The following SARDH variants were observed in gnomAD, a reference collection of about 807,000 sequenced individuals.
The protein encoded by SARDH is sarcosine dehydrogenase, also known as sarcosine dehydrogenase, mitochondrial.
In SARDH, 95 loss-of-function variants were observed where a neutral mutation model predicts 109.1. The ratio of observed to expected loss-of-function variants is 0.87; its 90% confidence interval spans 0.74 to 1.03. The LOEUF (loss-of-function observed/expected upper bound fraction) is 1.03, where lower values mean the gene tolerates loss of function less well. SARDH is among the 50% of genes least tolerant of loss of function. The pLI, the probability that SARDH is intolerant of heterozygous loss-of-function variation, is 0.00. For missense variants in SARDH, 1,267 were observed against 1,287.8 expected (o/e 0.98, Z 0.25); for synonymous variants, 572 against 534.8 (o/e 1.07, Z -0.96).
chr9:133,685,327 C>G (rs769037548), intron 16 of SARDH, 41 bp from the exon 17 acceptor site: 10 of 1,574,092 alleles, frequency 6.4e-6, no homozygotes, highest in Non-Finnish European at 7.8e-6. Context: ...CAAGTGCTCA[C>G]GGGTGGGGCC....
At chr9:133,682,630 C>T (rs1228867442) in intron 17 of SARDH, among the ~76,000 whole-genome samples, 1 of 151,942 alleles carries the variant, frequency 6.6e-6, no homozygotes, top group Non-Finnish European at 1.5e-5. Flanking sequence ...GCACTCAGCC[C>T]CTGTGCTGAA....
intron 6 of SARDH, among the ~76,000 whole-genome samples, chr9:133,723,622 G>A (rs1832396729): frequency 6.6e-6 from 1 of 152,264 alleles, no homozygotes; most frequent in East Asian, 1.9e-4. Context: ...AATTAGCCAG[G>A]CGTGGTAGCA....
chr9:133,686,995 C>G lies in SARDH; in HGVS notation c.2070-1709G>C, dbSNP rs1830908658. ...ACCTGGTCCAAGGCTTTGAAGGGCT[C>G]TGACCCAGGCTATGGGCTCAGCAAC... is the stretch of plus-strand genomic sequence containing the variant. On this transcript the variant is annotated intron_variant, in intron 16 of 20. Coordinates refer to ENST00000439388, the MANE Select transcript of SARDH (RefSeq NM_001134707.2). The surrounding 1 kb of genome is among the most constrained non-coding windows in gnomAD (Gnocchi z 4.0). Among the ~76,000 whole-genome samples the G allele has an allele frequency of 6.6e-6, 1 of 152,184 alleles. No individual in the cohort carries two copies. The highest frequency in any genetic ancestry group is 2.4e-5 in the African/African-American group (1 of 41,446).
downstream of SARDH, among the ~76,000 whole-genome samples, chr9:133,660,890 G>A (rs1254099707): frequency 3.9e-5 from 6 of 152,216 alleles, no homozygotes; most frequent in Non-Finnish European, 5.9e-5. Context: ...GGCTACTTAC[G>A]ATTAATTTTA....
chr9:133,725,686 A>G (rs968208954), intron 6 of SARDH: 2 of 256,498 alleles, frequency 7.8e-6, no homozygotes, highest in Non-Finnish European at 1.6e-5. Context: ...AAAAAAAACA[A>G]AACAAAACAA....
Position 133,676,423 on chromosome 9 carries a change from G to A in SARDH, c.2164-4726C>T, listed in dbSNP as rs555789665. On this transcript the variant is annotated intron_variant, in intron 17 of 20. Coordinates refer to ENST00000439388, the MANE Select transcript of SARDH (RefSeq NM_001134707.2). ...TTTCACAAAATGAAGACATTCTGGA[G>A]GTTTGTTTCCCAACAATGTGAACAT... Among the ~76,000 whole-genome samples the A allele has an allele frequency of 3.9e-5, 6 of 152,278 alleles. No individual in the cohort carries two copies. The South Asian group carries it at 8.3e-4, about 21-fold the overall frequency.
In SARDH at chr9:133,708,378, C is replaced by G. The variant is rs1162464869; in HGVS notation, c.1379G>C (p.Ser460Thr). The G allele has an allele frequency of 6.2e-7, 1 of 1,612,946 alleles. No homozygotes were observed. The highest frequency in any genetic ancestry group is 1.3e-5 in the African/African-American group (1 of 74,896). Reference protein sequence around the residue: ...TDHPRWIRERSHESYAKNYSV... With the variant: ...TDHPRWIRERTHESYAKNYSV... ...GTAGTTCTTGGCGTAGGACTCATGG[C>G]TTCGCTCTCGGATCCAGCGGGGGTG... The change falls in exon 11 of 21, where the codon AGC becomes ACC. Residue 460 changes from serine (S) to threonine (T), a missense_variant. Ser to Thr is a moderately conservative substitution (Grantham distance 58). Transcript: ENST00000439388.
intron 18 of SARDH, 107 bp from the exon 19 acceptor site, chr9:133,670,859 A>T (rs889953922): frequency 2.7e-5 from 37 of 1,392,186 alleles, no homozygotes; most frequent in Non-Finnish European, 3.2e-5. Flanking sequence ...CCCTAGCCAC[A>T]CTCTCAGAGC....
intron 17 of SARDH, among the ~76,000 whole-genome samples, chr9:133,672,709 C>T (rs1387636953): frequency 1.3e-5 from 2 of 152,212 alleles, no homozygotes; most frequent in Admixed American, 6.5e-5. Context: ...GGACTCAGCT[C>T]GGCCGTGAGC....
intron 17 of SARDH, among the ~76,000 whole-genome samples, chr9:133,673,559 G>A (rs910359090): frequency 2.0e-5 from 3 of 152,220 alleles, no homozygotes; most frequent in Non-Finnish European, 4.4e-5. Context: ...GCCGCCGAGG[G>A]GCTGGATTCT....
chr9:133,688,272 C>T (rs775601971), intron 16 of SARDH, among the ~76,000 whole-genome samples: 2 of 152,198 alleles, frequency 1.3e-5, no homozygotes, highest in Non-Finnish European at 2.9e-5. Context: ...GTCCCTTTCC[C>T]GGCAGCTGCG....
rs139079035 is a variant in SARDH at position 133,716,976 on chromosome 9, G to A, written c.1150+350C>T. On this transcript the variant is annotated intron_variant, in intron 8 of 20. Coordinates refer to ENST00000439388, the MANE Select transcript of SARDH (RefSeq NM_001134707.2). ...CTCACAGGGTGCTGGGATGTGGCCC[G>A]CTATTCCCATTTTACAGATGAAAAC... 9.0e-3 allele frequency among the ~76,000 whole-genome samples: 1,375 copies of A among 152,232 alleles called. 18 individuals are homozygous for A. The highest frequency in any genetic ancestry group is 0.031 in the African/African-American group (1,282 of 41,528).
Position 133,730,046 on chromosome 9 carries a change from G to A in SARDH, c.814+18C>T. ...GCCAGCATGGCCACACAGGAGTCAG[G>A]AGAAATGCCACTCGCACCTGCACAG... On this transcript the variant is annotated intron_variant, in intron 5 of 20. Coordinates refer to ENST00000439388, the MANE Select transcript of SARDH (RefSeq NM_001134707.2). 1.2e-6 allele frequency: 2 copies of A among 1,613,950 alleles called. No individual in the cohort carries two copies. Among genetic ancestry groups the A allele is most frequent in the East Asian group, 2.2e-5 (1 of 44,868 alleles).
At chr9:133,708,648 C>T (rs1292998918) in intron 10 of SARDH, among the ~76,000 whole-genome samples, 2 of 152,132 alleles carry the variant, frequency 1.3e-5, no homozygotes, top group African/African-American at 2.4e-5. Flanking sequence ...AGTGAGTGGG[C>T]GTTGTGGACA....
chr9:133,693,425 C>T lies in SARDH; in HGVS notation c.1921+833G>A, dbSNP rs149330753. On this transcript the variant is annotated intron_variant, in intron 15 of 20. Transcript: ENST00000439388. This position sits in a 1 kb window ranked among gnomAD's most constrained non-coding sequence, Gnocchi z 5.6. ...CAGCAGCACGGAGTCAGGTCAAGAA[C>T]CAGGAGATGCCAGGTTTTCTGAATG... Among the ~76,000 whole-genome samples the T allele has an allele frequency of 6.1e-3, 933 of 152,322 alleles. 3 individuals carry two copies. The highest frequency in any genetic ancestry group is 0.034 in the Middle Eastern group (10 of 294).
In SARDH at chr9:133,718,491, C is replaced by T; in HGVS notation, c.1020+447G>A. 1.9e-6 allele frequency: 1 copy of T among 527,286 alleles called. No individual in the cohort carries two copies. The highest frequency in any genetic ancestry group is 3.4e-6 in the Non-Finnish European group (1 of 297,720). The allele number at this position is 527,286 out of a possible 1,614,324, so 32.7% of individuals were successfully genotyped here. ...CAGTTTTTAGCCCAAAGTAGCCACTCAGTCGTTCCATGTGTGGACTAAATG... is the reference window on the plus strand; with the variant it reads ...CAGTTTTTAGCCCAAAGTAGCCACTTAGTCGTTCCATGTGTGGACTAAATG... On this transcript the variant is annotated intron_variant, in intron 7 of 20. Coordinates refer to ENST00000439388, the MANE Select transcript of SARDH (RefSeq NM_001134707.2). This position sits in a 1 kb window ranked among gnomAD's most constrained non-coding sequence, Gnocchi z 4.2.
At chr9:133,707,166 C>T (rs894055841) in intron 11 of SARDH, among the ~76,000 whole-genome samples, 1 of 152,202 alleles carries the variant, frequency 6.6e-6, no homozygotes. Context: ...GAAGTCGAGG[C>T]GTGGGTGAAC....
chr9:133,674,542 C>G (rs1046521489), intron 17 of SARDH, among the ~76,000 whole-genome samples: 1 of 152,222 alleles, frequency 6.6e-6, no homozygotes, highest in African/African-American at 2.4e-5. Flanking sequence ...CCTGCTGAAA[C>G]TATTAAACGA....
intron 17 of SARDH, among the ~76,000 whole-genome samples, chr9:133,677,387 T>C (rs1197008019): frequency 6.6e-6 from 1 of 152,186 alleles, no homozygotes; most frequent in African/African-American, 2.4e-5. Context: ...CCTTCAATCC[T>C]GGGCCCCTGA....
Sources: gnomAD v4.1 joint callset for allele counts (sites outside exome capture counted in the v4.1 genomes callset) on GRCh38, gnomAD v4.1.1 for gene constraint, Gnocchi (gnomAD v3.1) non-coding constraint, MANE v1.5 for transcripts, NCBI Gene and HGNC (gene_info 2026-07-23, HGNC 2026-07-21) for gene names.